JAZF1: variants seen among roughly 807,000 people sequenced by gnomAD.
JAZF1 encodes JAZF zinc finger 1.
In JAZF1, 8 loss-of-function variants were observed where a neutral mutation model predicts 26.4. The observed-to-expected ratio is 0.30, with a 90% CI of 0.18 to 0.55. The LOEUF (loss-of-function observed/expected upper bound fraction) is 0.55, where lower values mean the gene tolerates loss of function less well. Ranked by LOEUF, JAZF1 falls within the 20% of genes least tolerant of loss-of-function variation. The pLI is 0.94. For synonymous variants in JAZF1, 126 were observed against 122.3 expected (o/e 1.03, Z -0.20); for missense variants, 199 against 322.0 (o/e 0.62, Z 2.92).
intron 2 of JAZF1, among the ~76,000 whole-genome samples, chr7:27,950,744 C>T (rs1784996052): frequency 6.6e-6 from 1 of 152,132 alleles, no homozygotes; most frequent in Admixed American, 6.5e-5. Context: ...GATATTTAGC[C>T]AAGTACATTG....
chr7:27,956,996 A>G (rs1785106307), intron 2 of JAZF1, among the ~76,000 whole-genome samples: 1 of 152,162 alleles, frequency 6.6e-6, no homozygotes, highest in South Asian at 2.1e-4. Context: ...GAAGTGTGGT[A>G]CCTCATAAAG....
intron 1 of JAZF1, among the ~76,000 whole-genome samples, chr7:28,087,859 A>T (rs1784233984): frequency 6.6e-6 from 1 of 152,242 alleles, no homozygotes; most frequent in African/African-American, 2.4e-5. Flanking sequence ...TGTCCATTTT[A>T]AAAAGGAAAA....
intron 1 of JAZF1, among the ~76,000 whole-genome samples, chr7:28,028,824 C>T (rs970694192): frequency 1.3e-5 from 2 of 152,110 alleles, no homozygotes; most frequent in Non-Finnish European, 2.9e-5. Flanking sequence ...GACAAAAATC[C>T]TTGCCATTAT....
intron 3 of JAZF1, among the ~76,000 whole-genome samples, chr7:27,877,878 T>A (rs1435622269): frequency 6.6e-6 from 1 of 152,208 alleles, no homozygotes; most frequent in East Asian, 1.9e-4. Context: ...TTCACCCTGA[T>A]GGCCCTATGA....
intron 2 of JAZF1, among the ~76,000 whole-genome samples, chr7:27,916,828 T>A (rs1784449155): frequency 6.6e-6 from 1 of 152,160 alleles, no homozygotes; most frequent in South Asian, 2.1e-4. Flanking sequence ...AACTCAAAAA[T>A]CCCACCGCTC....
chr7:28,078,141 G>A (rs1784083449), intron 1 of JAZF1, among the ~76,000 whole-genome samples: 1 of 152,086 alleles, frequency 6.6e-6, no homozygotes, highest in African/African-American at 2.4e-5. Context: ...TGTTTCCTAG[G>A]TTTGTACAGC....
At chr7:27,917,297 G>A (rs1328874371) in intron 2 of JAZF1, among the ~76,000 whole-genome samples, 2 of 152,170 alleles carry the variant, frequency 1.3e-5, no homozygotes, top group Non-Finnish European at 2.9e-5. Flanking sequence ...AAGGCAATGA[G>A]GACCTGTTCC....
rs191877305 is a variant in JAZF1 at position 28,169,453 on chromosome 7, A to C, written c.115+11010T>G. Among the ~76,000 whole-genome samples, 637 of 152,324 alleles carry C rather than the reference A, an allele frequency of 4.2e-3. 15 individuals carry two copies. Among genetic ancestry groups the C allele is most frequent in the Non-Finnish European group, 5.7e-4 (39 of 68,034 alleles). ...TTGGCATCTCTCTAAAATCTAAACT[A>C]TCTCTAAGTTACAGGAGGGCTGCAA... On this transcript the variant is annotated intron_variant, in intron 1 of 4. Coordinates refer to ENST00000283928, the MANE Select transcript of JAZF1 (RefSeq NM_175061.4).
chr7:27,866,595 T>A (rs1222775669), intron 3 of JAZF1, among the ~76,000 whole-genome samples: 1 of 152,210 alleles, frequency 6.6e-6, no homozygotes, highest in Non-Finnish European at 1.5e-5. Context: ...GTTGCTATAG[T>A]CCTGTTAATC....
At chr7:28,167,871 T>C (rs1436680129) in intron 1 of JAZF1, among the ~76,000 whole-genome samples, 1 of 152,246 alleles carries the variant, frequency 6.6e-6, no homozygotes, top group Admixed American at 6.5e-5. Context: ...TAAAAACCAC[T>C]ATAAGCTACT....
intron 1 of JAZF1, among the ~76,000 whole-genome samples, chr7:28,034,880 G>C (rs1009282682): frequency 6.6e-6 from 1 of 152,088 alleles, no homozygotes; most frequent in Non-Finnish European, 1.5e-5. Context: ...ACATGCCATG[G>C]CCTCTGCAAA....
chr7:27,960,609 G>A (rs1017807692), intron 2 of JAZF1, among the ~76,000 whole-genome samples: 3 of 152,236 alleles, frequency 2.0e-5, no homozygotes, highest in Non-Finnish European at 2.9e-5. Flanking sequence ...GGACAGCAGA[G>A]AGGGCTGAGG....
chr7:27,851,068 G>C (rs1198192514), intron 3 of JAZF1, among the ~76,000 whole-genome samples: 1 of 152,010 alleles, frequency 6.6e-6, no homozygotes, highest in Non-Finnish European at 1.5e-5. Context: ...TAAGCCTCCT[G>C]AGTAGCTGGG....
At position 27,979,336 on chromosome 7, in the gene JAZF1, ATAAT is replaced by A. The variant is rs528985237; in HGVS notation, c.188+12569_188+12572del. Among the ~76,000 whole-genome samples the A allele has an allele frequency of 9.0e-4, 126 of 139,892 alleles. 2 individuals are homozygous for A. Among genetic ancestry groups the A allele is most frequent in the African/African-American group, 3.1e-3 (120 of 38,548 alleles). The allele number at this position is 139,892 out of a possible 152,430, so 91.8% of individuals were successfully genotyped here. On this transcript the variant is annotated intron_variant, in intron 2 of 4. Transcript: ENST00000283928. ...AAGCATATTTTGCAGAAAATACAGTATAATTAACAGGCGTGGCCAGGTACACTAC... is the reference window on the plus strand; with the variant it reads ...AAGCATATTTTGCAGAAAATACAGTATAACAGGCGTGGCCAGGTACACTAC...
chr7:28,123,713 C>T (rs1181711682), intron 1 of JAZF1, among the ~76,000 whole-genome samples: 2 of 152,164 alleles, frequency 1.3e-5, no homozygotes, highest in Non-Finnish European at 2.9e-5. Flanking sequence ...GTACCTTGTA[C>T]ATACACATCT....
intron 3 of JAZF1, among the ~76,000 whole-genome samples, chr7:27,859,247 G>A (rs769610353): frequency 6.6e-6 from 1 of 152,236 alleles, no homozygotes; most frequent in Non-Finnish European, 1.5e-5. Flanking sequence ...AGGATGTGGA[G>A]AAACAGGAAG....
In JAZF1 at chr7:28,091,117, C is replaced by T. The variant is rs893657041; in HGVS notation, c.115+89346G>A. 3.4e-4 allele frequency among the ~76,000 whole-genome samples: 52 copies of T among 152,060 alleles called. 1 individual carries two copies. The highest frequency in any genetic ancestry group is 3.4e-3 in the Middle Eastern group (1 of 294). On this transcript the variant is annotated intron_variant, in intron 1 of 4. Coordinates refer to ENST00000283928, the MANE Select transcript of JAZF1 (RefSeq NM_175061.4). ...CTGGGATTACAGGCGTGAGCCACCG[C>T]GCCCGGCCTTTTTTTTAGTTTTTTA...
chr7:28,175,200 C>G (rs370755259), intron 1 of JAZF1, among the ~76,000 whole-genome samples: 1 of 152,118 alleles, frequency 6.6e-6, no homozygotes, highest in African/African-American at 2.4e-5. Context: ...TGCCTCTGGC[C>G]ACACAAAAGA....
chr7:27,981,015 T>C (rs1438462454), intron 2 of JAZF1, among the ~76,000 whole-genome samples: 3 of 152,230 alleles, frequency 2.0e-5, no homozygotes, highest in Non-Finnish European at 2.9e-5. Flanking sequence ...GTGGTAACTT[T>C]ATCCTCTGAA....
Sources: gnomAD v4.1 joint callset for allele counts (sites outside exome capture counted in the v4.1 genomes callset) on GRCh38, gnomAD v4.1.1 for gene constraint, MANE v1.5 for transcripts, NCBI Gene and HGNC (gene_info 2026-07-23, HGNC 2026-07-21) for gene names.